TNPO3: variants seen among roughly 807,000 people sequenced by gnomAD.
TNPO3 encodes the protein transportin 3, also known as transportin-3.
Under a neutral mutation model 122.8 loss-of-function variants are expected in TNPO3, and 65 were observed. That is an observed-to-expected ratio of 0.53 (90% CI 0.43 to 0.65). The LOEUF (loss-of-function observed/expected upper bound fraction) is 0.65, where lower values mean the gene tolerates loss of function less well. TNPO3 is among the 30% of genes least tolerant of loss of function. The probability of loss-of-function intolerance (pLI) is 0.00; values close to 1 mark genes in which losing one functional copy is unlikely to be tolerated. For synonymous variants in TNPO3, 372 were observed against 411.2 expected, an observed-to-expected ratio of 0.90 and a Z score of 1.15; for missense variants, 850 against 1,136.7, an observed-to-expected ratio of 0.75 and a Z score of 3.63.
At chr7:128,976,128 C>T (rs1799033981) in intron 16 of TNPO3, among the ~76,000 whole-genome samples, 193 bp from the exon 17 acceptor site, 1 of 152,192 alleles carries the variant, frequency 6.6e-6, no homozygotes, top group African/African-American at 2.4e-5. Context: ...CTCTATTCTT[C>T]CAACCCTTTG....
chr7:129,003,228 A>G (rs2150386761), intron 5 of TNPO3, among the ~76,000 whole-genome samples: 1 of 151,490 alleles, frequency 6.6e-6, no homozygotes, highest in East Asian at 1.9e-4. Context: ...TCTGTCTCAA[A>G]AATAAATAAA....
intron 21 of TNPO3, among the ~76,000 whole-genome samples, chr7:128,964,333 C>CTT (rs35667373): frequency 0.047 from 5,606 of 120,528 alleles, 350 homozygotes; most frequent in African/African-American, 0.088. Flanking sequence ...CCAAAACAAT[C>CTT]TTTTTTTTTT....
chr7:128,970,213 G>A lies in TNPO3; in HGVS notation c.2533C>T (p.Leu845Phe). 1.2e-6 allele frequency: 2 copies of A among 1,614,196 alleles called. No homozygotes were observed. Among genetic ancestry groups the A allele is most frequent in the Non-Finnish European group, 1.7e-6 (2 of 1,180,016 alleles). ...ACATCTGGTAGGGTATAGGGGGGGAGGCAAAAGCAGCAGGTGTGCAGCAGC... is the reference window on the plus strand; with the variant it reads ...ACATCTGGTAGGGTATAGGGGGGGAAGCAAAAGCAGCAGGTGTGCAGCAGC... Reference protein sequence around the residue: ...SQLLHTCCFCLPPYTLPDVAE... With the variant: ...SQLLHTCCFCFPPYTLPDVAE... The change falls in exon 20 of 23, where the codon CTC (leucine) becomes TTC (phenylalanine). Residue 845 changes from leucine to phenylalanine, a missense_variant. Coordinates refer to ENST00000265388, the MANE Select transcript of TNPO3 (RefSeq NM_012470.4).
intron 16 of TNPO3, 46 bp from the exon 17 acceptor site, chr7:128,975,981 A>G (rs777366436): frequency 1.5e-6 from 2 of 1,356,940 alleles, no homozygotes; most frequent in South Asian, 2.3e-5. Flanking sequence ...TCCTTCAAAA[A>G]GTACCAACTT....
At chr7:129,028,898 A>C (rs75456523) in intron 1 of TNPO3, 152 of 371,216 alleles carry the variant, frequency 4.1e-4, no homozygotes, top group South Asian at 3.3e-3. Flanking sequence ...AACCATGAAG[A>C]GTTTAATAAT....
At chr7:128,979,878 T>G in intron 15 of TNPO3, 93 bp downstream of exon 15, 1 of 1,138,422 alleles carries the variant, frequency 8.8e-7, no homozygotes, top group Non-Finnish European at 1.3e-6. Flanking sequence ...CCCTATGAAC[T>G]TGGAAGACAG....
chr7:129,048,505 G>C (rs185608424), intron 1 of TNPO3, among the ~76,000 whole-genome samples: 3 of 152,304 alleles, frequency 2.0e-5, no homozygotes, highest in Admixed American at 6.5e-5. Flanking sequence ...ACTCCGGCCT[G>C]GGCAACAGAG....
chr7:128,985,470 C>T (rs867839896), intron 12 of TNPO3, among the ~76,000 whole-genome samples: 1 of 152,096 alleles, frequency 6.6e-6, no homozygotes, highest in South Asian at 2.1e-4. Context: ...GTGGTGTGCA[C>T]CTGTAGTCCT....
intron 1 of TNPO3, among the ~76,000 whole-genome samples, chr7:129,033,185 G>A (rs904793767): frequency 2.0e-5 from 3 of 152,102 alleles, no homozygotes; most frequent in Non-Finnish European, 2.9e-5. Context: ...AGACCTAAAC[G>A]TAAGACCTGA....
chr7:129,033,716 C>T (rs1448330677), intron 1 of TNPO3, among the ~76,000 whole-genome samples: 1 of 151,986 alleles, frequency 6.6e-6, no homozygotes, highest in African/African-American at 2.4e-5. Flanking sequence ...AGTTCGAGAC[C>T]AGCCTGGCCA....
intron 21 of TNPO3, among the ~76,000 whole-genome samples, chr7:128,966,118 T>C (rs1797905273): frequency 6.6e-6 from 1 of 152,224 alleles, no homozygotes; most frequent in African/African-American, 2.4e-5. Context: ...TTTCAAATTA[T>C]TTTAAAAGCT....
chr7:128,975,871 T>A lies in TNPO3; in HGVS notation c.2126A>T (p.Asp709Val). 1 of 1,614,154 alleles carries A rather than the reference T, an allele frequency of 6.2e-7. No homozygotes were observed. The highest frequency in any genetic ancestry group is 8.5e-7 in the Non-Finnish European group (1 of 1,179,998). ...CFLYLGSILV[D>V]EYGMEEGCRQ... is the part of the protein sequence containing the mutation. ...ACAGCCTTCTTCCATGCCATATTCA[T>A]CCACAAGGATACTGCCAAGGTACAG... is the stretch of plus-strand genomic sequence containing the variant. The change falls in exon 17 of 23, where the codon GAT becomes GTT. Residue 709 changes from aspartate (D) to valine (V), a missense_variant. Physicochemically the swap from Asp to Val is radical, Grantham distance 152 (BLOSUM62 -3). Coordinates refer to ENST00000265388, the MANE Select transcript of TNPO3 (RefSeq NM_012470.4).
At chr7:128,997,774 A>G (rs1451589777) in intron 7 of TNPO3, among the ~76,000 whole-genome samples, 1 of 152,200 alleles carries the variant, frequency 6.6e-6, no homozygotes, top group Non-Finnish European at 1.5e-5. Flanking sequence ...GTCCTGAGGT[A>G]ATGCCTCCAA....
In TNPO3 at chr7:129,015,104, A is replaced by G. The variant is rs1360172835; in HGVS notation, c.427T>C (p.Leu143=). ...YSNDVTSLPF[L]LEILTVLPEE... is the part of the protein sequence containing the mutation. ...GGTAACACTGTAAGGATCTCCAGCA[A>G]AAAAGGCAAAGAAGTCACATCATTG... Residue 143 remains leucine (L), a synonymous_variant, in exon 4 of 23, where the codon TTG becomes CTG. Coordinates refer to ENST00000265388, the MANE Select transcript of TNPO3 (RefSeq NM_012470.4). 1.2e-6 allele frequency: 2 copies of G among 1,610,876 alleles called. No individual in the cohort carries two copies. The highest frequency in any genetic ancestry group is 4.5e-5 in the East Asian group (2 of 44,848).
chr7:129,039,604 C>A (rs1326822286), intron 1 of TNPO3, among the ~76,000 whole-genome samples: 2 of 152,044 alleles, frequency 1.3e-5, no homozygotes, highest in African/African-American at 2.4e-5. Flanking sequence ...CCAAAAATTT[C>A]AACAGCACTT....
At chr7:129,020,145 C>A (rs943063593) in intron 1 of TNPO3, among the ~76,000 whole-genome samples, 3 of 151,674 alleles carry the variant, frequency 2.0e-5, no homozygotes, top group African/African-American at 7.3e-5. Flanking sequence ...CCGCCCCCCA[C>A]CAAAAAACCC....
At chr7:128,986,303 T>C (rs935343863) in intron 12 of TNPO3, among the ~76,000 whole-genome samples, 1 of 152,210 alleles carries the variant, frequency 6.6e-6, no homozygotes, top group Non-Finnish European at 1.5e-5. Context: ...TGATCAGTAA[T>C]GGTTAAAGGC....
intron 1 of TNPO3, among the ~76,000 whole-genome samples, chr7:129,038,992 G>A (rs1807040479): frequency 6.6e-6 from 1 of 151,924 alleles, no homozygotes; most frequent in South Asian, 2.1e-4. Flanking sequence ...TTTTAAAAAT[G>A]GACAAAGAAC....
At chr7:129,035,098 C>A (rs1272163779) in intron 1 of TNPO3, among the ~76,000 whole-genome samples, 2 of 150,710 alleles carry the variant, frequency 1.3e-5, no homozygotes, top group South Asian at 2.1e-4. Flanking sequence ...CATGGTGAAA[C>A]CCTGTCTCTA....
Sources: allele counts gnomAD v4.1 joint callset (sites outside exome capture counted in the v4.1 genomes callset), GRCh38; gene constraint gnomAD v4.1.1; transcripts MANE v1.5; gene names NCBI Gene and HGNC (gene_info 2026-07-23, HGNC 2026-07-21).